The following VPS41 variants were observed in gnomAD, a reference collection of about 807,000 sequenced individuals.
VPS41 encodes vacuolar protein sorting-associated protein 41 homolog.
Under a neutral mutation model 130.9 loss-of-function variants are expected in VPS41, and 85 were observed. The ratio of observed to expected loss-of-function variants is 0.65; its 90% CI spans 0.55 to 0.78. The LOEUF is 0.78. Among genes scored for constraint, VPS41 ranks in the 30% least tolerant of loss-of-function variants. The pLI is 0.00. For missense variants in VPS41, 874 were observed against 1,018.7 expected (o/e 0.86, Z 1.93); for synonymous variants, 335 against 332.9 (o/e 1.01, Z -0.07).
intron 9 of VPS41, among the ~76,000 whole-genome samples, chr7:38,790,539 G>A (rs1053897999): frequency 2.6e-5 from 4 of 152,096 alleles, no homozygotes; most frequent in Non-Finnish European, 4.4e-5. Flanking sequence ...AGCAAAACTT[G>A]ACCTTGCTGT....
Position 38,869,269 on chromosome 7 carries a change from A to C in VPS41, c.61-16T>G. 6.3e-7 allele frequency: 1 copy of C among 1,577,850 alleles called. No homozygotes were observed. Among genetic ancestry groups the C allele is most frequent in the Non-Finnish European group, 8.7e-7 (1 of 1,154,188 alleles). ...TCTCTTCTTCCTGCACAAACGGCAA[A>C]GAAAAATGACACCCGTCAGAGATTT... On this transcript the variant is annotated splice_polypyrimidine_tract_variant and intron_variant, in intron 2 of 28. Transcript: ENST00000310301.
chr7:38,819,954 C>T (rs1025780831), intron 6 of VPS41, among the ~76,000 whole-genome samples: 5 of 152,094 alleles, frequency 3.3e-5, no homozygotes, highest in African/African-American at 1.2e-4. Context: ...GTTTCTAAAA[C>T]CTCCGTAACG....
chr7:38,745,804 A>G, intron 22 of VPS41, 191 bp from the exon 23 acceptor site: 1 of 553,250 alleles, frequency 1.8e-6, no homozygotes, highest in Non-Finnish European at 3.1e-6. Context: ...ACTGGACTCT[A>G]CACAATTCAA....
rs1245400224 is a variant in VPS41 at position 38,862,524 on chromosome 7, T to C, written c.246+21A>G. On this transcript the variant is annotated intron_variant, in intron 4 of 28. Coordinates refer to ENST00000310301, the MANE Select transcript of VPS41 (RefSeq NM_014396.4). Reference sequence around the variant, plus strand: ...TTAACATGAAGTTTAGCTCATACATTATTTTATACAGAATACTTACTACAT... The same window carrying C: ...TTAACATGAAGTTTAGCTCATACATCATTTTATACAGAATACTTACTACAT... The C allele has an allele frequency of 2.1e-6, 3 of 1,446,106 alleles. No individual in the cohort carries two copies. The Admixed American group carries it at 5.8e-5, about 28-fold the overall frequency. The allele number at this position is 1,446,106 out of a possible 1,614,324, so 89.6% of individuals were successfully genotyped here.
intron 7 of VPS41, among the ~76,000 whole-genome samples, chr7:38,800,254 A>C (rs1000500269): frequency 1.4e-4 from 21 of 152,220 alleles, no homozygotes; most frequent in Non-Finnish European, 2.8e-4. Flanking sequence ...AGGGCATATT[A>C]AATAAAAAAG....
chr7:38,809,049 G>A (rs1784888861), intron 7 of VPS41, among the ~76,000 whole-genome samples: 1 of 152,046 alleles, frequency 6.6e-6, no homozygotes, highest in Non-Finnish European at 1.5e-5. Context: ...ATTTACCAAT[G>A]GATTTTAAGT....
At chr7:38,853,287 C>A (rs1327336489) in intron 4 of VPS41, among the ~76,000 whole-genome samples, 1 of 152,068 alleles carries the variant, frequency 6.6e-6, no homozygotes, top group Non-Finnish European at 1.5e-5. Context: ...GGCATGGTGG[C>A]TGGCACCTGT....
At chr7:38,839,508 T>C (rs1179641382) in intron 4 of VPS41, among the ~76,000 whole-genome samples, 1 of 151,812 alleles carries the variant, frequency 6.6e-6, no homozygotes, top group Admixed American at 6.5e-5. Context: ...CTGCAACCTC[T>C]GCCTGCTAAC....
intron 4 of VPS41, among the ~76,000 whole-genome samples, chr7:38,833,631 T>G (rs1303735481): frequency 6.6e-6 from 1 of 152,216 alleles, no homozygotes; most frequent in Non-Finnish European, 1.5e-5. Flanking sequence ...ACCCAAACAT[T>G]TCATAACTCC....
At chr7:38,763,071 C>T (rs946498360) in intron 17 of VPS41, among the ~76,000 whole-genome samples, 13 of 152,184 alleles carry the variant, frequency 8.5e-5, no homozygotes, top group African/African-American at 3.1e-4. Context: ...TTATAACATA[C>T]TTCAGCATTT....
At chr7:38,743,864 A>C (rs1046212823) in intron 23 of VPS41, among the ~76,000 whole-genome samples, 1 of 152,200 alleles carries the variant, frequency 6.6e-6, no homozygotes, top group Non-Finnish European at 1.5e-5. Flanking sequence ...GCTTGCTAAG[A>C]TCATACAGCT....
At chr7:38,884,521 T>G (rs1562623129) in intron 2 of VPS41, among the ~76,000 whole-genome samples, 1 of 152,140 alleles carries the variant, frequency 6.6e-6, no homozygotes, top group Non-Finnish European at 1.5e-5. Context: ...CAATTTTTTT[T>G]TATTTGCTTT....
intron 22 of VPS41, among the ~76,000 whole-genome samples, chr7:38,751,583 G>A (rs1329280041): frequency 6.6e-6 from 1 of 152,160 alleles, no homozygotes; most frequent in Non-Finnish European, 1.5e-5. Flanking sequence ...AATGTCTAAT[G>A]TGTGGTGGGT....
In VPS41 at chr7:38,830,271, A is replaced by T; in HGVS notation, c.304T>A (p.Cys102Ser). 6.2e-7 allele frequency: 1 copy of T among 1,612,986 alleles called. No individual in the cohort carries two copies. Residue 102 changes from cysteine (C) to serine (S), a missense_variant, in exon 5 of 29, where the codon TGT becomes AGT. Transcript: ENST00000310301. ...LDESGEHMGV[C>S]SEDGKVQVFG... ...TGCCATACCTTGCCATCCTCTGAACACACACCCATGTGCTCTCCACTTTCA... is the reference window on the plus strand; with the variant it reads ...TGCCATACCTTGCCATCCTCTGAACTCACACCCATGTGCTCTCCACTTTCA...
At position 38,859,119 on chromosome 7, in the gene VPS41, A is replaced by G. The variant is rs555418486; in HGVS notation, c.246+3426T>C. On this transcript the variant is annotated intron_variant, in intron 4 of 28. Transcript: ENST00000310301. ...ACAAAAAGTTTTAGAAGTAAAAAAG[A>G]AAAAAAAAACTAAACAGAAAAGAGC... 6.7e-5 allele frequency among the ~76,000 whole-genome samples: 10 copies of G among 150,092 alleles called. No homozygotes were observed. The South Asian group carries it at 1.5e-3, about 22-fold the overall frequency.
intron 6 of VPS41, among the ~76,000 whole-genome samples, chr7:38,818,434 T>C (rs1281118518): frequency 1.3e-5 from 2 of 152,168 alleles, no homozygotes; most frequent in East Asian, 3.8e-4. Context: ...GCTTTTTAGA[T>C]ACAACCTGTT....
chr7:38,894,346 A>G (rs1786932362), intron 2 of VPS41, among the ~76,000 whole-genome samples: 1 of 152,062 alleles, frequency 6.6e-6, no homozygotes, highest in South Asian at 2.1e-4. Context: ...CTGGTCCATC[A>G]ACATCCTGAC....
At chr7:38,771,688 C>T (rs1454039070) in intron 13 of VPS41, among the ~76,000 whole-genome samples, 1 of 152,138 alleles carries the variant, frequency 6.6e-6, no homozygotes, top group East Asian at 1.9e-4. Context: ...GTGAACTATA[C>T]GCATGTTTAT....
At chr7:38,885,796 C>A (rs1325745429) in intron 2 of VPS41, among the ~76,000 whole-genome samples, 1 of 152,068 alleles carries the variant, frequency 6.6e-6, no homozygotes, top group Non-Finnish European at 1.5e-5. Flanking sequence ...ACTATAAATT[C>A]TCTTGAAGCA....
Sources: allele counts gnomAD v4.1 joint callset (sites outside exome capture counted in the v4.1 genomes callset), GRCh38; gene constraint gnomAD v4.1.1; transcripts MANE v1.5; gene names NCBI Gene and HGNC (gene_info 2026-07-23, HGNC 2026-07-21).